CMTR1: variants seen among roughly 807,000 people sequenced by gnomAD.
CMTR1 encodes cap-specific mRNA (nucleoside-2'-O-)-methyltransferase 1.
In CMTR1, 39 loss-of-function variants were observed where a neutral mutation model predicts 107.0. The ratio of observed to expected loss-of-function variants is 0.36; its 90% CI spans 0.28 to 0.48. The LOEUF is 0.48. Ranked by LOEUF, CMTR1 falls within the 20% of genes least tolerant of loss-of-function variation. The pLI is 0.99. For synonymous variants in CMTR1, 366 were observed against 379.5 expected (o/e 0.96, Z 0.41); for missense variants, 672 against 1,064.9 (o/e 0.63, Z 5.14).
At chr6:37,461,427 C>T (rs1761401421) in intron 10 of CMTR1, 122 bp from the exon 11 acceptor site, 1 of 571,670 alleles carries the variant, frequency 1.7e-6, no homozygotes, top group Non-Finnish European at 3.1e-6. Flanking sequence ...GCTGCTTCTT[C>T]ATCAATCAGA....
At chr6:37,471,207 AT>A (rs1761617662) in intron 14 of CMTR1, 130 bp downstream of exon 14, 1 of 765,214 alleles carries the variant, frequency 1.3e-6, no homozygotes. Context: ...ATACTCTGCT[AT>A]GGTCTCTGAA....
chr6:37,461,964 A>G lies in CMTR1; in HGVS notation c.1193-6A>G. On this transcript the variant is annotated splice_region_variant and splice_polypyrimidine_tract_variant and intron_variant, in intron 11 of 23. Coordinates refer to ENST00000373451, the MANE Select transcript of CMTR1 (RefSeq NM_015050.3). ...GGCTGCTTTTGGTGTTTTCTCTCTAATCTAGGAGGCCACTTCATCTGTAAA... is the reference window on the plus strand; with the variant it reads ...GGCTGCTTTTGGTGTTTTCTCTCTAGTCTAGGAGGCCACTTCATCTGTAAA... 6.2e-7 allele frequency: 1 copy of G among 1,612,970 alleles called. No individual in the cohort carries two copies. The highest frequency in any genetic ancestry group is 1.3e-5 in the African/African-American group (1 of 74,642).
In CMTR1 at chr6:37,480,908, AGATGG is replaced by A; in HGVS notation, c.*764_*768del. 1 of 1,214,536 alleles carries A rather than the reference AGATGG, an allele frequency of 8.2e-7. No individual in the cohort carries two copies. The highest frequency in any genetic ancestry group is 1.5e-5 in the South Asian group (1 of 66,488). The allele number at this position is 1,214,536 out of a possible 1,614,324, so 75.2% of individuals were successfully genotyped here. A position where few individuals can be genotyped will look rare whatever the true frequency, so the allele number is the denominator to read the frequency against. The stretch of plus-strand genomic sequence containing the variant: ...TTTGGTCCAAACATTGGGCAGCGCT[AGATGG>A]CAGGAAGCAGCCTTGAAGACCCGTC... On this transcript the variant is annotated 3_prime_UTR_variant, in exon 24 of 24. Coordinates refer to ENST00000373451, the MANE Select transcript of CMTR1 (RefSeq NM_015050.3).
rs1391115768 is a variant in CMTR1, at chr6:37,438,839, C to T, written c.133+3077C>T. Among the ~76,000 whole-genome samples the T allele has an allele frequency of 2.0e-5, 3 of 152,180 alleles. No individual in the cohort carries two copies. In the East Asian group the frequency reaches 5.8e-4, roughly 29 times the overall value. On this transcript the variant is annotated intron_variant, in intron 2 of 23. Coordinates refer to ENST00000373451, the MANE Select transcript of CMTR1 (RefSeq NM_015050.3). The stretch of plus-strand genomic sequence containing the variant: ...CCGGACAGTATACCCTGGTGGTTTG[C>T]TGTCTACATATCCCCTGAAATGTAT...
chr6:37,466,108 G>GTTTTTTTTTTTT lies in CMTR1; in HGVS notation c.1505+3105_1505+3106insTTTTTTTTTTTT, dbSNP rs747910111. Among the ~76,000 whole-genome samples the GTTTTTTTTTTTT allele has an allele frequency of 7.0e-5, 9 of 127,712 alleles. 3 individuals carry two copies. The highest frequency in any genetic ancestry group is 1.2e-4 in the African/African-American group (4 of 34,688). The allele number at this position is 127,712 out of a possible 152,430, so 83.8% of individuals were successfully genotyped here. On this transcript the variant is annotated intron_variant, in intron 13 of 23. Transcript: ENST00000373451. ...CTCTATGTTTTTAAAGAGTTTTACAGTTTTTGTTTTTTTTTTTTTTTTTGA... is the reference window on the plus strand; with the variant it reads ...CTCTATGTTTTTAAAGAGTTTTACAGTTTTTTTTTTTTTTTTTGTTTTTTTTTTTTTTTTTGA...
intron 8 of CMTR1, among the ~76,000 whole-genome samples, chr6:37,454,106 A>C (rs1038824430): frequency 2.6e-5 from 4 of 152,258 alleles, no homozygotes; most frequent in Non-Finnish European, 5.9e-5. Flanking sequence ...ATTTCATTCT[A>C]GAATTCCCTT....
intron 2 of CMTR1, among the ~76,000 whole-genome samples, chr6:37,441,090 T>C (rs1333123743): frequency 6.6e-6 from 1 of 152,236 alleles, no homozygotes; most frequent in Admixed American, 6.5e-5. Flanking sequence ...ACTTTAGGGC[T>C]CTGCTTAGGG....
chr6:37,447,411 G>A (rs973515545), intron 4 of CMTR1, among the ~76,000 whole-genome samples: 14 of 152,206 alleles, frequency 9.2e-5, no homozygotes, highest in African/African-American at 3.1e-4. Flanking sequence ...GACTGGCAAT[G>A]CGGAACAGGG....
At chr6:37,434,180 C>T (rs950112072) in intron 1 of CMTR1, among the ~76,000 whole-genome samples, 1 of 151,458 alleles carries the variant, frequency 6.6e-6, no homozygotes. Context: ...TCAGTGTCTC[C>T]GGTTCTTCCC....
intron 22 of CMTR1, 25 bp downstream of exon 22, chr6:37,478,546 C>A: frequency 6.4e-7 from 1 of 1,570,192 alleles, no homozygotes; most frequent in Non-Finnish European, 8.8e-7. Context: ...ACTGTTCCCG[C>A]CATCCCCTCC....
intron 6 of CMTR1, 146 bp downstream of exon 6, chr6:37,452,023 C>A: frequency 1.6e-6 from 1 of 632,426 alleles, no homozygotes; most frequent in Non-Finnish European, 2.8e-6. Flanking sequence ...TTCATATCTG[C>A]AAATTGTCTT....
intron 17 of CMTR1, among the ~76,000 whole-genome samples, chr6:37,473,958 C>T (rs987867111): frequency 6.6e-6 from 1 of 152,220 alleles, no homozygotes; most frequent in Non-Finnish European, 1.5e-5. Flanking sequence ...CCATCCCATC[C>T]CCTGTCTTGC....
At chr6:37,425,310 T>TTG in the CMTR1 span, among the ~76,000 whole-genome samples, 1 of 149,456 alleles carries the variant, frequency 6.7e-6, no homozygotes, top group African/African-American at 2.5e-5. Flanking sequence ...TTTTTTTTTT[T>TTG]CCCCGAGACA....
rs2113873805 is a variant in CMTR1 at position 37,453,114 on chromosome 6, T to G, written c.677T>G (p.Met226Arg). 2 of 1,614,198 alleles carry G rather than the reference T, an allele frequency of 1.2e-6. No homozygotes were observed. The highest frequency in any genetic ancestry group is 2.2e-5 in the South Asian group (2 of 91,088). The change falls in exon 7 of 24, where the codon ATG (methionine) becomes AGG (arginine). Residue 226 changes from methionine (M) to arginine (R), a missense_variant. Met to Arg is a moderately conservative substitution (Grantham distance 91). Around this residue, in one of 2 missense-constraint regions of CMTR1, gnomAD observed 583 missense variants for 968.4 expected, o/e 0.60. Transcript: ENST00000373451. Reference protein sequence around the residue: ...RARTRANPYEMIRGVFFLNRA... With the variant: ...RARTRANPYERIRGVFFLNRA... ...CGGACTCGGGCCAATCCCTATGAGA[T>G]GATCCGAGGAGTCTTCTTTCTAAAC... is the stretch of plus-strand genomic sequence containing the variant.
intron 13 of CMTR1, among the ~76,000 whole-genome samples, chr6:37,469,318 C>T (rs191453120): frequency 2.0e-3 from 297 of 151,940 alleles, no homozygotes; most frequent in African/African-American, 6.8e-3. Flanking sequence ...TGTTGTTTTT[C>T]TGTATGTCAT....
intron 5 of CMTR1, 60 bp downstream of exon 5, chr6:37,450,403 C>T (rs778788953): frequency 1.8e-5 from 23 of 1,276,300 alleles, no homozygotes; most frequent in African/African-American, 1.5e-4. Context: ...TTCACTTGCT[C>T]GAGTCTGGTA....
At chr6:37,440,160 C>T (rs1452482688) in intron 2 of CMTR1, among the ~76,000 whole-genome samples, 1 of 152,122 alleles carries the variant, frequency 6.6e-6, no homozygotes, top group Non-Finnish European at 1.5e-5. Context: ...AGGGGAGCTC[C>T]CCAGGAGGTA....
Position 37,463,138 on chromosome 6 carries a change from C to G in CMTR1, c.1505+130C>G, listed in dbSNP as rs970099937. ...CAAATTGGCAACTGGGTTTGGTCTG[C>G]TGGTTTCAGGGCTCCCTGGGACTTT... On this transcript the variant is annotated intron_variant, in intron 13 of 23. Coordinates refer to ENST00000373451, the MANE Select transcript of CMTR1 (RefSeq NM_015050.3). 3.2e-6 allele frequency: 3 copies of G among 937,098 alleles called. No homozygotes were observed. In the African/African-American group the frequency reaches 4.9e-5, roughly 15 times the overall value. The allele number at this position is 937,098 out of a possible 1,614,324, so 58.0% of individuals were successfully genotyped here. A position where few individuals can be genotyped will look rare whatever the true frequency, so the allele number is the denominator to read the frequency against.
chr6:37,474,431 T>A (rs1309073797), intron 17 of CMTR1, 93 bp from the exon 18 acceptor site: 1 of 1,454,668 alleles, frequency 6.9e-7, no homozygotes, highest in Non-Finnish European at 9.5e-7. Context: ...CCCATCAGTT[T>A]GTAGCTGCCA....
Sources: allele counts gnomAD v4.1 joint callset (sites outside exome capture counted in the v4.1 genomes callset), GRCh38; gene constraint gnomAD v4.1.1; regional missense constraint gnomAD v4.1.1; transcripts MANE v1.5; gene names NCBI Gene and HGNC (gene_info 2026-07-23, HGNC 2026-07-21).